Variants in SLC25A48 observed in about 807,000 individuals in gnomAD.
The protein encoded by SLC25A48 is CTC-321K16.1.
In SLC25A48, 29 loss-of-function variants were observed where a neutral mutation model predicts 32.2. The ratio of observed to expected loss-of-function variants is 0.90; its 90% CI spans 0.67 to 1.23. The LOEUF is 1.23. Among genes scored for constraint, SLC25A48 ranks in the 50% most tolerant of loss-of-function variants. The pLI, the probability that SLC25A48 is intolerant of heterozygous loss-of-function variation, is 0.00. For synonymous variants in SLC25A48, 164 were observed against 172.3 expected (o/e 0.95, Z 0.38); for missense variants, 399 against 422.7 (o/e 0.94, Z 0.49).
At chr5:135,634,324 A>G (rs549037967) in intron 2 of SLC25A48, among the ~76,000 whole-genome samples, 1 of 152,362 alleles carries the variant, frequency 6.6e-6, no homozygotes, top group South Asian at 2.1e-4. Flanking sequence ...AAAATCATCT[A>G]GGAGAAGCCA....
At position 135,757,483 on chromosome 5, in the gene SLC25A48, TATC is replaced by T. The variant is rs144889271; in HGVS notation, c.-520-55036_-520-55034del. Reference sequence around the variant, plus strand: ...TTAACACACAATAATATTAATAAAATATCATCTATATGATATTTATAATGTCTA... The same window carrying T: ...TTAACACACAATAATATTAATAAAATATCTATATGATATTTATAATGTCTA... On this transcript the variant is annotated intron_variant, in intron 3 of 10. Coordinates refer to the SLC25A48 transcript ENST00000646290. Among the ~76,000 whole-genome samples the T allele has an allele frequency of 6.7e-3, 997 of 149,592 alleles. 11 individuals are homozygous for T. Among genetic ancestry groups the T allele is most frequent in the African/African-American group, 0.022 (912 of 41,304 alleles).
intron 1 of SLC25A48, among the ~76,000 whole-genome samples, chr5:135,601,996 G>A (rs990948391): frequency 1.3e-5 from 2 of 152,176 alleles, no homozygotes; most frequent in Non-Finnish European, 2.9e-5. Context: ...TACAGTGCCT[G>A]CCACTTAGTA....
chr5:135,641,134 TA>T (rs1752828112), intron 3 of SLC25A48, among the ~76,000 whole-genome samples: 1 of 152,212 alleles, frequency 6.6e-6, no homozygotes, highest in Non-Finnish European at 1.5e-5. Flanking sequence ...ATAAAATGAA[TA>T]TCATTGCAGG....
chr5:135,728,841 T>TACACACACACACACACACACACACACAC (rs33918902), intron 3 of SLC25A48, among the ~76,000 whole-genome samples: 2 of 141,578 alleles, frequency 1.4e-5, no homozygotes, highest in Non-Finnish European at 1.5e-5. Flanking sequence ...CATACACAAA[T>TACACACACACACACACACACACACACAC]ACACACACAC....
chr5:135,852,186 A>T (rs1759925339), intron 3 of SLC25A48, among the ~76,000 whole-genome samples: 1 of 152,142 alleles, frequency 6.6e-6, no homozygotes, highest in Non-Finnish European at 1.5e-5. Context: ...CTGTTGTGGT[A>T]TATGAGGTGG....
At chr5:135,847,235 C>G (rs1269829837) in intron 2 of SLC25A48, among the ~76,000 whole-genome samples, 1 of 152,196 alleles carries the variant, frequency 6.6e-6, no homozygotes, top group Non-Finnish European at 1.5e-5. Flanking sequence ...TATTATATAC[C>G]TAACACTATG....
chr5:135,846,772 A>C (rs1203759973), intron 2 of SLC25A48, among the ~76,000 whole-genome samples: 4 of 152,190 alleles, frequency 2.6e-5, no homozygotes, highest in African/African-American at 9.7e-5. Context: ...GGACCAAAGA[A>C]AGTGTCAGAG....
At chr5:135,862,579 T>C (rs1004934091) in intron 4 of SLC25A48, among the ~76,000 whole-genome samples, 1 of 152,184 alleles carries the variant, frequency 6.6e-6, no homozygotes, top group African/African-American at 2.4e-5. Flanking sequence ...AGATGTGTGC[T>C]TCAATGAGAA....
chr5:135,852,584 A>G lies in SLC25A48; in HGVS notation c.184A>G (p.Met62Val). The G allele has an allele frequency of 1.3e-6, 2 of 1,599,724 alleles. No individual in the cohort carries two copies. Among genetic ancestry groups the G allele is most frequent in the Non-Finnish European group, 1.7e-6 (2 of 1,168,022 alleles). ...RESMFGFFKGMSFPLASIAVY... is the reference protein window; with the variant it reads ...RESMFGFFKGVSFPLASIAVY... Reference sequence around the variant, plus strand: ...GCAGATGTTCGGCTTCTTCAAGGGCATGTCCTTCCCCCTCGCCAGCATTGC... The same window carrying G: ...GCAGATGTTCGGCTTCTTCAAGGGCGTGTCCTTCCCCCTCGCCAGCATTGC... Residue 62 changes from methionine to valine, a missense_variant, in exon 4 of 8, where the codon ATG becomes GTG. Coordinates refer to ENST00000681962, the MANE Select transcript of SLC25A48 (RefSeq NM_001349336.2).
chr5:135,874,974 C>T (rs1288502281), intron 6 of SLC25A48: 9 of 403,362 alleles, frequency 2.2e-5, no homozygotes, highest in Non-Finnish European at 3.9e-5. Context: ...TGTCTCAGGG[C>T]CTCAGTTTCT....
intron 3 of SLC25A48, among the ~76,000 whole-genome samples, chr5:135,646,859 T>G (rs1391141457): frequency 6.6e-6 from 1 of 151,326 alleles, no homozygotes; most frequent in African/African-American, 2.4e-5. Flanking sequence ...GGCATAAAGT[T>G]TCAATTATAC....
At chr5:135,699,134 A>G (rs1301827282) in intron 3 of SLC25A48, among the ~76,000 whole-genome samples, 1 of 152,218 alleles carries the variant, frequency 6.6e-6, no homozygotes, top group Non-Finnish European at 1.5e-5. Flanking sequence ...GTTTGGCAGC[A>G]TATCTATAAT....
chr5:135,864,524 A>G (rs1761046401), intron 4 of SLC25A48, among the ~76,000 whole-genome samples: 2 of 152,202 alleles, frequency 1.3e-5, no homozygotes, highest in African/African-American at 4.8e-5. Context: ...TCCTGAAGAC[A>G]ACCCAGGCCT....
chr5:135,682,403 C>T (rs1753917938), intron 3 of SLC25A48, among the ~76,000 whole-genome samples: 1 of 152,224 alleles, frequency 6.6e-6, no homozygotes. Context: ...ACTTTTCAAC[C>T]TGGCCAAGGA....
chr5:135,777,607 GC>G (rs1438425655), intron 3 of SLC25A48, among the ~76,000 whole-genome samples: 1 of 150,506 alleles, frequency 6.6e-6, no homozygotes, highest in Non-Finnish European at 1.5e-5. Context: ...GCATGTAACC[GC>G]CCCCTTGTGA....
At chr5:135,692,071 A>G (rs935602746) in intron 3 of SLC25A48, among the ~76,000 whole-genome samples, 1 of 152,144 alleles carries the variant, frequency 6.6e-6, no homozygotes, top group African/African-American at 2.4e-5. Flanking sequence ...TAATCCCAGC[A>G]CTTTGGGAGG....
In SLC25A48 at chr5:135,590,810, C is replaced by A. The variant is rs1751506783; in HGVS notation, c.-849+11213C>A. 3.3e-5 allele frequency among the ~76,000 whole-genome samples: 5 copies of A among 152,252 alleles called. No individual in the cohort carries two copies. In the South Asian group the frequency reaches 1.0e-3, roughly 31 times the overall value. On this transcript the variant is annotated intron_variant, in intron 1 of 10. Coordinates refer to the SLC25A48 transcript ENST00000646290. The stretch of plus-strand genomic sequence containing the variant: ...GACACGCCATGGCTCTCAGGCAGGG[C>A]AGCCCAAAGAGGGCATTGGCTGCAG...
chr5:135,652,788 A>G (rs1308281708), intron 3 of SLC25A48, among the ~76,000 whole-genome samples: 1 of 152,228 alleles, frequency 6.6e-6, no homozygotes, highest in African/African-American at 2.4e-5. Context: ...TTAGCTTTAC[A>G]CAGGAGCTAC....
At chr5:135,858,663 C>G (rs1242717211) in intron 4 of SLC25A48, among the ~76,000 whole-genome samples, 1 of 152,250 alleles carries the variant, frequency 6.6e-6, no homozygotes, top group Non-Finnish European at 1.5e-5. Flanking sequence ...GATGCTTTCT[C>G]TGCTTTTGCC....
Sources: gnomAD v4.1 joint callset for allele counts (sites outside exome capture counted in the v4.1 genomes callset) on GRCh38, gnomAD v4.1.1 for gene constraint, MANE v1.5 for transcripts, NCBI Gene and HGNC (gene_info 2026-07-23, HGNC 2026-07-21) for gene names.